Variants in NFATC2 observed in about 807,000 individuals in gnomAD.
NFATC2 encodes the protein nuclear factor of activated T-cells, cytoplasmic 2.
Under a neutral mutation model 87.3 loss-of-function variants are expected in NFATC2, and 22 were observed. The observed-to-expected ratio is 0.25, with a 90% confidence interval of 0.18 to 0.36. The LOEUF (loss-of-function observed/expected upper bound fraction) is 0.36, where lower values mean the gene tolerates loss of function less well. Ranked by LOEUF, NFATC2 falls within the 10% of genes least tolerant of loss-of-function variation. NFATC2 has a pLI of 1.00. For synonymous variants in NFATC2, 565 were observed against 542.2 expected (o/e 1.04, Z -0.58); for missense variants, 1,149 against 1,259.1 (o/e 0.91, Z 1.32).
chr20:51,415,237 C>A (rs1211795964), intron 9 of NFATC2, among the ~76,000 whole-genome samples: 2 of 115,494 alleles, frequency 1.7e-5, no homozygotes, highest in Admixed American at 9.7e-5. Context: ...CAGAGTAAGA[C>A]CCTGTATCAA....
chr20:51,514,732 G>A (rs995793165), intron 3 of NFATC2, among the ~76,000 whole-genome samples: 1 of 152,102 alleles, frequency 6.6e-6, no homozygotes, highest in Non-Finnish European at 1.5e-5. Flanking sequence ...AATTAACCAG[G>A]CATGGTGGCG....
chr20:51,486,769 G>A (rs1185897209), intron 3 of NFATC2, among the ~76,000 whole-genome samples: 21 of 152,116 alleles, frequency 1.4e-4, no homozygotes, highest in Non-Finnish European at 4.4e-5. Flanking sequence ...CAGCGACTCT[G>A]AGAAAGGAGG....
At chr20:51,429,219 C>T (rs1160205035) in intron 9 of NFATC2, among the ~76,000 whole-genome samples, 1 of 152,220 alleles carries the variant, frequency 6.6e-6, no homozygotes, top group African/African-American at 2.4e-5. Flanking sequence ...ACTGCACCCA[C>T]ATCTTGGTGG....
chr20:51,391,592 G>C, intron 10 of NFATC2, 141 bp from the exon 11 acceptor site: 1 of 874,476 alleles, frequency 1.1e-6, no homozygotes. Flanking sequence ...ACCCAGGCTG[G>C]AGTGCAATGG....
At chr20:51,402,159 C>T (rs1490157384) in intron 9 of NFATC2, among the ~76,000 whole-genome samples, 1 of 152,170 alleles carries the variant, frequency 6.6e-6, no homozygotes, top group Non-Finnish European at 1.5e-5. Flanking sequence ...TTACAATCTA[C>T]GGAGAAACAA....
intron 6 of NFATC2, among the ~76,000 whole-genome samples, chr20:51,443,932 A>C (rs1357901102): frequency 2.6e-5 from 4 of 151,906 alleles, no homozygotes; most frequent in South Asian, 4.2e-4. Context: ...AAAAAAAAAA[A>C]CAAAAAAAAT....
At position 51,523,527 on chromosome 20, in the gene NFATC2, C is replaced by T; in HGVS notation, c.714G>A (p.Val238=). ...EDSCLGRHSP[V]PRPASRSSSP... ...ATGAGGAGCGGGAGGCCGGACGGGG[C>T]ACGGGCGAGTGGCGGCCCAGGCAGC... Residue 238 remains valine, a synonymous_variant, in exon 2 of 11, where the codon GTG becomes GTA. Coordinates refer to ENST00000371564, the MANE Select transcript of NFATC2 (RefSeq NM_012340.5). The surrounding 1 kb of genome is among the most constrained non-coding windows in gnomAD (Gnocchi z 6.9). 6.2e-7 allele frequency: 1 copy of T among 1,613,594 alleles called. No homozygotes were observed. Among genetic ancestry groups the T allele is most frequent in the Non-Finnish European group, 8.5e-7 (1 of 1,179,716 alleles).
chr20:51,538,887 T>A (rs761177116), intron 1 of NFATC2, among the ~76,000 whole-genome samples: 20 of 151,960 alleles, frequency 1.3e-4, no homozygotes, highest in Non-Finnish European at 2.1e-4. Context: ...GTAAACAAGG[T>A]TTTCAATTCC....
chr20:51,517,091 A>G, intron 2 of NFATC2, 136 bp from the exon 3 acceptor site: 1 of 910,590 alleles, frequency 1.1e-6, no homozygotes. Flanking sequence ...CGTTCCGGGA[A>G]ATGCACCATT....
intron 6 of NFATC2, among the ~76,000 whole-genome samples, chr20:51,442,369 T>G (rs982963814): frequency 1.3e-5 from 2 of 152,150 alleles, no homozygotes; most frequent in Non-Finnish European, 2.9e-5. Flanking sequence ...GAGGTAGAGG[T>G]TGCAGTAAGC....
chr20:51,523,519 G>A lies in NFATC2; in HGVS notation c.722C>T (p.Pro241Leu), dbSNP rs758870046. 1.3e-5 allele frequency: 21 copies of A among 1,613,348 alleles called. No homozygotes were observed. The highest frequency in any genetic ancestry group is 1.7e-5 in the Non-Finnish European group (20 of 1,179,652). The change falls in exon 2 of 11, where the codon CCG becomes CTG. Residue 241 changes from proline (P) to leucine (L), a missense_variant. Coordinates refer to ENST00000371564, the MANE Select transcript of NFATC2 (RefSeq NM_012340.5). The surrounding 1 kb of genome is among the most constrained non-coding windows in gnomAD (Gnocchi z 6.9). ...CLGRHSPVPR[P>L]ASRSSSPGAK... ...ACCAGGCGATGAGGAGCGGGAGGCC[G>A]GACGGGGCACGGGCGAGTGGCGGCC...
In NFATC2 at chr20:51,425,141, AAAAACCAGTATT is replaced by A. The variant is rs1410802423; in HGVS notation, c.2722+6914_2722+6925del. ...GAAATAATGTTCTAGGAGGCTAGAG[AAAAACCAGTATT>A]AGAGAGCAGACCAGAAGGGGGAAGA... On this transcript the variant is annotated intron_variant, in intron 9 of 10. Transcript: ENST00000371564. Among the ~76,000 whole-genome samples, 17 of 152,352 alleles carry A rather than the reference AAAAACCAGTATT, an allele frequency of 1.1e-4. No homozygotes were observed. In the South Asian group the frequency reaches 3.3e-3, roughly 30 times the overall value.
intron 3 of NFATC2, among the ~76,000 whole-genome samples, chr20:51,508,464 G>T (rs1568705146): frequency 1.3e-5 from 2 of 152,122 alleles, no homozygotes; most frequent in South Asian, 2.1e-4. Flanking sequence ...TTGGACTGTA[G>T]TCTTTTTCAA....
At chr20:51,522,955 G>A in intron 2 of NFATC2, 126 bp downstream of exon 2, 1 of 1,345,822 alleles carries the variant, frequency 7.4e-7, no homozygotes, top group Non-Finnish European at 1.0e-6. Context: ...CCAGCAAGGG[G>A]CCAAGCCAAG....
chr20:51,491,735 G>A (rs766536588), intron 3 of NFATC2, among the ~76,000 whole-genome samples: 16 of 152,020 alleles, frequency 1.1e-4, no homozygotes, highest in Non-Finnish European at 2.4e-4. Context: ...ACACTCCTGG[G>A]CACCCATAGG....
intron 3 of NFATC2, among the ~76,000 whole-genome samples, chr20:51,499,741 T>TAAA (rs538460642): frequency 7.3e-6 from 1 of 137,826 alleles, no homozygotes; most frequent in Admixed American, 7.3e-5. Context: ...GACTCCATCT[T>TAAA]AAAAAAAAAA....
rs1983378286 is a variant in NFATC2 at position 51,435,190 on chromosome 20, G to T, written c.2030C>A (p.Pro677Gln). Residue 677 changes from proline to glutamine, a missense_variant and splice_region_variant, in exon 8 of 11, where the codon CCA becomes CAA. Around this residue, in one of 3 missense-constraint regions of NFATC2, gnomAD observed 581 missense variants for 649.7 expected, o/e 0.89. Coordinates refer to ENST00000371564, the MANE Select transcript of NFATC2 (RefSeq NM_012340.5). The stretch of plus-strand genomic sequence containing the variant: ...GGGTCATCAGAAACACTCCTTACCT[G>T]GGTGGTAGGTAAAGTGCTGAGGCTG... Reference protein sequence around the residue: ...RSQPQHFTYHPVPAIKTEPTD... With the variant: ...RSQPQHFTYHQVPAIKTEPTD... 3 of 1,613,956 alleles carry T rather than the reference G, an allele frequency of 1.9e-6. No individual in the cohort carries two copies. In the South Asian group the frequency reaches 3.3e-5, roughly 18 times the overall value.
Position 51,523,169 on chromosome 20 carries a change from C to T in NFATC2, c.1072G>A (p.Gly358Ser). 6.2e-7 allele frequency: 1 copy of T among 1,614,242 alleles called. No individual in the cohort carries two copies. Among genetic ancestry groups the T allele is most frequent in the South Asian group, 1.1e-5 (1 of 91,090 alleles). The stretch of plus-strand genomic sequence containing the variant: ...TCTGGAGCCGAGTTTCTCCTCTCGC[C>T]CTGCTCGCAGGGCCCCAGGAACTCC... ...AVEFLGPCEQ[G>S]ERRNSAPESI... The change falls in exon 2 of 11, where the codon GGC (glycine) becomes AGC (serine). Residue 358 changes from glycine (G) to serine (S), a missense_variant. Transcript: ENST00000371564. The surrounding 1 kb of genome is among the most constrained non-coding windows in gnomAD (Gnocchi z 6.9).
At chr20:51,515,872 C>A (rs573851404) in intron 3 of NFATC2, among the ~76,000 whole-genome samples, 1 of 152,216 alleles carries the variant, frequency 6.6e-6, no homozygotes, top group African/African-American at 2.4e-5. Flanking sequence ...GAATGCCCAA[C>A]AATCTGAATT....
Sources: gnomAD v4.1 joint callset for allele counts (sites outside exome capture counted in the v4.1 genomes callset) on GRCh38, gnomAD v4.1.1 for gene constraint, gnomAD v4.1.1 regional missense constraint, Gnocchi (gnomAD v3.1) non-coding constraint, MANE v1.5 for transcripts, NCBI Gene and HGNC (gene_info 2026-07-23, HGNC 2026-07-21) for gene names.